The following THADA variants were observed in gnomAD, a reference collection of about 807,000 sequenced individuals.
THADA encodes tRNA (32-2'-O)-methyltransferase regulator THADA.
In THADA, 213 loss-of-function variants were observed where a neutral mutation model predicts 219.8. The ratio of observed to expected loss-of-function variants is 0.97; its 90% CI spans 0.87 to 1.09. The LOEUF (loss-of-function observed/expected upper bound fraction) is 1.09. Among genes scored for constraint, THADA ranks in the 50% least tolerant of loss-of-function variants. The pLI is 0.00. For missense variants in THADA, 2,956 were observed against 2,311.3 expected (o/e 1.28, Z -5.72); for synonymous variants, 1,018 against 828.9 (o/e 1.23, Z -3.92).
chr2:43,484,132 C>T (rs1430414660), intron 26 of THADA: 1 of 153,244 alleles, frequency 6.5e-6, no homozygotes, highest in East Asian at 1.9e-4. Context: ...ATTGCCTGAA[C>T]ATGCTCAAGG....
At chr2:43,328,170 A>T (rs1014491845) in intron 30 of THADA, among the ~76,000 whole-genome samples, 1 of 152,194 alleles carries the variant, frequency 6.6e-6, no homozygotes, top group African/African-American at 2.4e-5. Flanking sequence ...GACAAACAAT[A>T]GGGGACTTGT....
chr2:43,440,937 C>A (rs1680770241), intron 26 of THADA, among the ~76,000 whole-genome samples: 1 of 152,110 alleles, frequency 6.6e-6, no homozygotes. Context: ...CTATGTCATG[C>A]AGTTACCTTA....
intron 29 of THADA, among the ~76,000 whole-genome samples, chr2:43,348,251 G>A (rs969323956): frequency 2.6e-5 from 4 of 152,204 alleles, no homozygotes; most frequent in African/African-American, 7.2e-5. Flanking sequence ...GGCCGGAGCT[G>A]AGCAGCAGGA....
At chr2:43,264,308 G>A (rs1269946978) in intron 36 of THADA, among the ~76,000 whole-genome samples, 20 of 148,122 alleles carry the variant, frequency 1.4e-4, no homozygotes, top group South Asian at 1.1e-3. Context: ...TTTTTGAGAC[G>A]GTGTTTTGCT....
At chr2:43,595,722 A>C (rs1293000942) in intron 1 of THADA, 1 of 152,366 alleles carries the variant, frequency 6.6e-6, no homozygotes, top group African/African-American at 2.4e-5. Flanking sequence ...GCGATTTCTG[A>C]ACCACGTGGA....
intron 28 of THADA, among the ~76,000 whole-genome samples, chr2:43,399,795 T>C (rs1316627878): frequency 2.0e-5 from 3 of 152,200 alleles, no homozygotes; most frequent in Non-Finnish European, 2.9e-5. Flanking sequence ...AATCTGTAAT[T>C]GGCAAATGCA....
intron 28 of THADA, among the ~76,000 whole-genome samples, chr2:43,427,469 C>T (rs891192940): frequency 1.1e-4 from 17 of 150,718 alleles, no homozygotes; most frequent in Admixed American, 2.6e-4. Context: ...CAGGAAAACC[C>T]AGGCCTCTGC....
intron 26 of THADA, among the ~76,000 whole-genome samples, chr2:43,458,944 A>C (rs1474555262): frequency 6.6e-6 from 1 of 152,202 alleles, no homozygotes; most frequent in African/African-American, 2.4e-5. Flanking sequence ...TGATCTTCAA[A>C]ATAAAAAAAA....
chr2:43,435,311 T>C (rs1055227202), intron 26 of THADA, among the ~76,000 whole-genome samples: 37 of 151,700 alleles, frequency 2.4e-4, no homozygotes, highest in African/African-American at 8.7e-4. Flanking sequence ...AATACAAAAT[T>C]AGCCAGGCAT....
At chr2:43,330,251 G>A (rs1434011687) in intron 30 of THADA, among the ~76,000 whole-genome samples, 1 of 152,198 alleles carries the variant, frequency 6.6e-6, no homozygotes, top group African/African-American at 2.4e-5. Context: ...GTCTGGCTTG[G>A]GGAGTCCTAG....
chr2:43,517,670 A>G (rs924612945), intron 22 of THADA, among the ~76,000 whole-genome samples: 4 of 152,056 alleles, frequency 2.6e-5, no homozygotes, highest in African/African-American at 9.7e-5. Context: ...CTTCCATGCA[A>G]CTCTATCAAA....
At chr2:43,277,875 T>C (rs1672901410) in intron 36 of THADA, among the ~76,000 whole-genome samples, 1 of 152,038 alleles carries the variant, frequency 6.6e-6, no homozygotes, top group South Asian at 2.1e-4. Flanking sequence ...TACAAAATCC[T>C]TATATGCTGA....
intron 26 of THADA, 66 bp downstream of exon 26, chr2:43,485,168 T>G (rs1052693545): frequency 8.0e-7 from 1 of 1,242,272 alleles, no homozygotes; most frequent in Admixed American, 1.9e-5. Flanking sequence ...ATTTCAAAAT[T>G]TGTTTTTGGC....
intron 36 of THADA, among the ~76,000 whole-genome samples, chr2:43,241,521 CCT>C (rs1668618557): frequency 1.3e-5 from 2 of 148,578 alleles, no homozygotes; most frequent in East Asian, 4.2e-4. Context: ...CCTTTGCACC[CCT>C]GTCTGGACTT....
intron 21 of THADA, among the ~76,000 whole-genome samples, chr2:43,535,168 C>CTTTTTTTTTT (rs549879408): frequency 3.2e-4 from 17 of 52,538 alleles, no homozygotes; most frequent in African/African-American, 4.5e-4. Context: ...ATCATTTGTC[C>CTTTTTTTTTT]TTTTTTTTTT....
chr2:43,553,383 A>C (rs1394976386), intron 17 of THADA, among the ~76,000 whole-genome samples: 1 of 152,206 alleles, frequency 6.6e-6, no homozygotes, highest in Non-Finnish European at 1.5e-5. Flanking sequence ...GTTTAGATTA[A>C]GTCATGAGGT....
chr2:43,234,954 T>G (rs1667859417), intron 36 of THADA, among the ~76,000 whole-genome samples: 1 of 151,592 alleles, frequency 6.6e-6, no homozygotes, highest in South Asian at 2.1e-4. Context: ...ATTACAGGTA[T>G]GAGCCGCTGC....
chr2:43,397,039 T>C (rs935290047), intron 29 of THADA, among the ~76,000 whole-genome samples: 1 of 152,192 alleles, frequency 6.6e-6, no homozygotes, highest in African/African-American at 2.4e-5. Flanking sequence ...CTATGAGGTA[T>C]ATGCTACTAT....
At chr2:43,333,113 G>A (rs1338722505) in intron 30 of THADA, 1 of 152,114 alleles carries the variant, frequency 6.6e-6, no homozygotes, top group Non-Finnish European at 1.5e-5. Context: ...ACTTGAGGCT[G>A]TATTTGTAAA....
Sources: gnomAD v4.1 joint callset for allele counts (sites outside exome capture counted in the v4.1 genomes callset) on GRCh38, gnomAD v4.1.1 for gene constraint, MANE v1.5 for transcripts, NCBI Gene and HGNC (gene_info 2026-07-23, HGNC 2026-07-21) for gene names.